The following TTPA variants were observed in gnomAD, a reference collection of about 807,000 sequenced individuals.
TTPA encodes alpha tocopherol transfer protein.
TTPA carries 23 observed loss-of-function variants against 25.9 expected under a neutral mutation model. That is an observed-to-expected ratio of 0.89 (90% confidence interval 0.64 to 1.26). The LOEUF (loss-of-function observed/expected upper bound fraction) is 1.26, where lower values mean the gene tolerates loss of function less well. Among genes scored for constraint, TTPA ranks in the 50% most tolerant of loss-of-function variants. The pLI is 0.00. For synonymous variants in TTPA, 148 were observed against 137.3 expected (o/e 1.08, Z -0.54); for missense variants, 337 against 353.1 (o/e 0.95, Z 0.37).
intron 1 of TTPA, among the ~76,000 whole-genome samples, chr8:63,074,653 G>C (rs1186271334): frequency 6.6e-6 from 1 of 152,160 alleles, no homozygotes; most frequent in Admixed American, 6.5e-5. Context: ...GGGGGTACCA[G>C]AATAACTGTT....
chr8:63,060,228 C>T lies in TTPA; in HGVS notation c.*1024G>A, dbSNP rs1196570120. ...ATGATTCCATCCCTTTCCGTGTAGT[C>T]ATAAGAATGACCATAAGCAAAAGTT... On this transcript the variant is annotated 3_prime_UTR_variant, in exon 5 of 5. Transcript: ENST00000260116. 1 of 152,164 alleles carries T rather than the reference C, an allele frequency of 6.6e-6. No homozygotes were observed. The highest frequency in any genetic ancestry group is 6.5e-5 in the Admixed American group (1 of 15,276). 9.4% of individuals were successfully genotyped at this position (152,164 alleles called of 1,614,324 possible).
chr8:63,059,243 G>GTCA (rs1563677369), downstream of TTPA, among the ~76,000 whole-genome samples: 1 of 150,552 alleles, frequency 6.6e-6, no homozygotes, highest in Non-Finnish European at 1.5e-5. Flanking sequence ...CGTTTTAGCC[G>GTCA]GGATGGTCTC....
chr8:63,078,740 T>A (rs774804583), intron 1 of TTPA, among the ~76,000 whole-genome samples: 33 of 150,994 alleles, frequency 2.2e-4, no homozygotes, highest in Middle Eastern at 6.8e-3. Flanking sequence ...ATGGGGAGAG[T>A]GGAACCAGTT....
chr8:63,062,623 G>A (rs72659812), intron 4 of TTPA, among the ~76,000 whole-genome samples: 1 of 152,076 alleles, frequency 6.6e-6, no homozygotes, highest in African/African-American at 2.4e-5. Context: ...AGTTAAAAAG[G>A]AAAAAAGTGG....
chr8:63,083,772 T>C (rs570202984), intron 1 of TTPA, among the ~76,000 whole-genome samples: 8 of 152,160 alleles, frequency 5.3e-5, no homozygotes, highest in African/African-American at 1.7e-4. Flanking sequence ...AAAAAGTATA[T>C]CTCTTTTAGC....
Position 63,066,113 on chromosome 8 carries a change from C to A in TTPA, c.359-16G>T, listed in dbSNP as rs764851051. 3 of 1,607,836 alleles carry A rather than the reference C, an allele frequency of 1.9e-6. No homozygotes were observed. The South Asian group carries it at 3.3e-5, about 18-fold the overall frequency. ...TCCCAGTGTGCTAAAAAAAATAAAGCATATCATATCTTAGCATTGTGTAAA... is the reference window on the plus strand; with the variant it reads ...TCCCAGTGTGCTAAAAAAAATAAAGAATATCATATCTTAGCATTGTGTAAA... On this transcript the variant is annotated splice_polypyrimidine_tract_variant and intron_variant, in intron 2 of 4. Coordinates refer to ENST00000260116, the MANE Select transcript of TTPA (RefSeq NM_000370.3).
Position 63,060,673 on chromosome 8 carries a change from GAA to G in TTPA, c.*577_*578del, listed in dbSNP as rs10543235. 1.7e-3 allele frequency: 252 copies of G among 145,594 alleles called. No homozygotes were observed. Among genetic ancestry groups the G allele is most frequent in the East Asian group, 2.8e-3 (14 of 5,056 alleles). The allele number at this position is 145,594 out of a possible 1,614,324, so 9.0% of individuals were successfully genotyped here. On this transcript the variant is annotated 3_prime_UTR_variant, in exon 5 of 5. Transcript: ENST00000260116. Reference sequence around the variant, plus strand: ...TGGGCGACAGAGCAAGACTCTGTCTGAAAAAAAAAAAAAAAGTTTCTATCGTG... The same window carrying G: ...TGGGCGACAGAGCAAGACTCTGTCTGAAAAAAAAAAAAAGTTTCTATCGTG...
At chr8:63,065,780 T>A in intron 3 of TTPA, 124 bp downstream of exon 3, 1 of 1,110,024 alleles carries the variant, frequency 9.0e-7, no homozygotes, top group Non-Finnish European at 1.3e-6. Flanking sequence ...ATTCTACACA[T>A]CATTTCCAAA....
intron 1 of TTPA, among the ~76,000 whole-genome samples, chr8:63,075,181 AT>A (rs1206396134): frequency 6.6e-6 from 1 of 152,238 alleles, no homozygotes; most frequent in African/African-American, 2.4e-5. Flanking sequence ...GTGGCTAAAA[AT>A]AAATATTCAT....
In TTPA at chr8:63,066,899, G is replaced by A. The variant is rs148677047; in HGVS notation, c.359-802C>T. ...TCAACTCGAGAAAGTAAGAAAGCAGGAGACACTAAAAAACATAATAGAAGC... is the reference window on the plus strand; with the variant it reads ...TCAACTCGAGAAAGTAAGAAAGCAGAAGACACTAAAAAACATAATAGAAGC... On this transcript the variant is annotated intron_variant, in intron 2 of 4. Transcript: ENST00000260116. 2.6e-5 allele frequency among the ~76,000 whole-genome samples: 4 copies of A among 152,146 alleles called. No homozygotes were observed. The East Asian group carries it at 7.7e-4, about 29-fold the overall frequency.
Position 63,064,161 on chromosome 8 carries a change from A to T in TTPA, c.663+45T>A, listed in dbSNP as rs193115886. ...CAATCCTTAAATTAAAAAGGGTTGG[A>T]ATGTTTGGTGTAGAGGAACACAGAC... On this transcript the variant is annotated intron_variant, in intron 4 of 4. Coordinates refer to ENST00000260116, the MANE Select transcript of TTPA (RefSeq NM_000370.3). 76 of 1,373,004 alleles carry T rather than the reference A, an allele frequency of 5.5e-5. 1 individual carries two copies. In the Admixed American group the frequency reaches 1.1e-3, roughly 20 times the overall value. 85.1% of individuals were successfully genotyped at this position (1,373,004 alleles called of 1,614,324 possible). A position where few individuals can be genotyped will look rare whatever the true frequency, so the allele number is the denominator to read the frequency against.
chr8:63,062,712 C>A (rs1445343252), intron 4 of TTPA, among the ~76,000 whole-genome samples: 1 of 152,210 alleles, frequency 6.6e-6, no homozygotes, highest in African/African-American at 2.4e-5. Context: ...CTTCCCCTAA[C>A]TTCTCAACTT....
At chr8:63,085,680 G>T in intron 1 of TTPA, 138 bp downstream of exon 1, 1 of 990,452 alleles carries the variant, frequency 1.0e-6, no homozygotes, top group Middle Eastern at 3.2e-4. Context: ...GCCCACGCCG[G>T]GTGGTTAGGG....
At chr8:63,068,151 T>C (rs1805426309) in intron 2 of TTPA, among the ~76,000 whole-genome samples, 1 of 152,096 alleles carries the variant, frequency 6.6e-6, no homozygotes, top group South Asian at 2.1e-4. Flanking sequence ...GATACAAATC[T>C]GGGGGCTGTT....
intron 1 of TTPA, among the ~76,000 whole-genome samples, chr8:63,080,722 A>AT (rs1372518462): frequency 2.0e-4 from 30 of 146,348 alleles, no homozygotes; most frequent in African/African-American, 6.9e-4. Flanking sequence ...TCCGTATCAA[A>AT]AAAAAAAAAA....
chr8:63,061,203 T>G lies in TTPA; in HGVS notation c.*49A>C. ...CTTTCATTCATTTAACCAGGTTGGA[T>G]ATCACTCATGTATTTTTAGTTAGGA... On this transcript the variant is annotated 3_prime_UTR_variant, in exon 5 of 5. Transcript: ENST00000260116. 1.9e-6 allele frequency: 3 copies of G among 1,566,704 alleles called. No individual in the cohort carries two copies. Among genetic ancestry groups the G allele is most frequent in the Non-Finnish European group, 2.6e-6 (3 of 1,141,526 alleles).
intron 2 of TTPA, among the ~76,000 whole-genome samples, chr8:63,067,241 A>G (rs1227170914): frequency 1.3e-5 from 2 of 152,180 alleles, no homozygotes; most frequent in Non-Finnish European, 2.9e-5. Context: ...GAGCCAATCG[A>G]GGAAAAATGG....
chr8:63,083,292 T>C (rs1035022269), intron 1 of TTPA, among the ~76,000 whole-genome samples: 1 of 152,174 alleles, frequency 6.6e-6, no homozygotes. Flanking sequence ...ATACACCATG[T>C]AATACTATGC....
intron 1 of TTPA, 141 bp from the exon 2 acceptor site, chr8:63,073,229 G>A: frequency 8.4e-6 from 6 of 717,718 alleles, no homozygotes; most frequent in Non-Finnish European, 1.4e-5. Flanking sequence ...TTTCAGCTGT[G>A]AAAACTGAAA....
Sources: allele counts gnomAD v4.1 joint callset (sites outside exome capture counted in the v4.1 genomes callset), GRCh38; gene constraint gnomAD v4.1.1; transcripts MANE v1.5; gene names NCBI Gene and HGNC (gene_info 2026-07-23, HGNC 2026-07-21).